DHTKD1: variants seen among roughly 807,000 people sequenced by gnomAD.
DHTKD1 encodes 2-oxoadipate dehydrogenase complex component E1.
DHTKD1 carries 78 observed loss-of-function variants against 101.8 expected under a neutral mutation model. The observed-to-expected ratio is 0.77, with a 90% CI of 0.64 to 0.93. The LOEUF (loss-of-function observed/expected upper bound fraction) is 0.93, where lower values mean the gene tolerates loss of function less well. Among genes scored for constraint, DHTKD1 ranks in the 40% least tolerant of loss-of-function variants. The pLI, the probability that DHTKD1 is intolerant of heterozygous loss-of-function variation, is 0.00. For missense variants in DHTKD1, 1,223 were observed against 1,161.7 expected, an observed-to-expected ratio of 1.05 and a Z score of -0.77; for synonymous variants, 462 against 450.3, an observed-to-expected ratio of 1.03 and a Z score of -0.33.
intron 6 of DHTKD1, 81 bp downstream of exon 6, chr10:12,091,765 G>C (rs1389255855): frequency 1.2e-5 from 14 of 1,129,810 alleles, no homozygotes; most frequent in Non-Finnish European, 1.7e-5. Flanking sequence ...ACAGAACAAT[G>C]AGCCTCACTG....
intron 10 of DHTKD1, among the ~76,000 whole-genome samples, chr10:12,105,060 A>G (rs758535414): frequency 1.3e-5 from 2 of 151,670 alleles, no homozygotes; most frequent in Non-Finnish European, 2.9e-5. Context: ...GGGTTTCACC[A>G]TGTTGGCCAG....
chr10:12,088,988 G>A lies in DHTKD1; in HGVS notation c.720G>A (p.Leu240=). The change falls in exon 5 of 17, where the codon CTG becomes CTA. Residue 240 remains leucine (L), a splice_region_variant and synonymous_variant. Transcript: ENST00000263035. ...CCTTTTGAATGTATCCACAATAGCT[G>A]ATGTTCCGTAAAATGCGAGGCTTAA... ...LTGLLQFPPE[L]MFRKMRGLSE... 1 of 1,613,062 alleles carries A rather than the reference G, an allele frequency of 6.2e-7. No homozygotes were observed. The highest frequency in any genetic ancestry group is 8.5e-7 in the Non-Finnish European group (1 of 1,179,150).
chr10:12,116,059 T>C (rs138434750), intron 13 of DHTKD1, among the ~76,000 whole-genome samples: 10 of 151,886 alleles, frequency 6.6e-5, no homozygotes, highest in African/African-American at 2.2e-4. Context: ...GCCTCCCAAG[T>C]AGCTGGGATT....
At position 12,089,058 on chromosome 10, in the gene DHTKD1, C is replaced by T; in HGVS notation, c.790C>T (p.His264Tyr). ...CTCAGCCACTGGAGACGTCCTGTCT[C>T]ACCTGACCTCCTCTGTGGACCTGTA... is the stretch of plus-strand genomic sequence containing the variant. ...NFSATGDVLS[H>Y]LTSSVDLYFG... Residue 264 changes from histidine to tyrosine, a missense_variant, in exon 5 of 17, where the codon CAC becomes TAC. Coordinates refer to ENST00000263035, the MANE Select transcript of DHTKD1 (RefSeq NM_018706.7). 6.2e-7 allele frequency: 1 copy of T among 1,614,120 alleles called. No homozygotes were observed. The highest frequency in any genetic ancestry group is 8.5e-7 in the Non-Finnish European group (1 of 1,179,962).
rs1462585733 is a variant in DHTKD1 at position 12,101,149 on chromosome 10, C to A, written c.1864C>A (p.His622Asn). The change falls in exon 10 of 17, where the codon CAT becomes AAT. Residue 622 changes from histidine to asparagine, a missense_variant. By Grantham distance (68) the His-to-Asn change is moderately conservative. Coordinates refer to ENST00000263035, the MANE Select transcript of DHTKD1 (RefSeq NM_018706.7). ...GGATGACACCTACATCCCCCTGAAC[C>A]ATATGGACCCAAATCAGAAGGGGTT... ...ETDDTYIPLN[H>N]MDPNQKGFLE... is the part of the protein sequence containing the mutation. 6.2e-7 allele frequency: 1 copy of A among 1,613,894 alleles called. No individual in the cohort carries two copies. Among genetic ancestry groups the A allele is most frequent in the African/African-American group, 1.3e-5 (1 of 74,910 alleles).
At chr10:12,096,103 G>T (rs1202815412) in intron 7 of DHTKD1, among the ~76,000 whole-genome samples, 1 of 152,088 alleles carries the variant, frequency 6.6e-6, no homozygotes, top group Non-Finnish European at 1.5e-5. Flanking sequence ...CTCATGGCTT[G>T]CATTTCATTT....
intron 1 of DHTKD1, among the ~76,000 whole-genome samples, chr10:12,077,810 T>G (rs1051570805): frequency 6.8e-6 from 1 of 146,242 alleles, no homozygotes; most frequent in Non-Finnish European, 1.5e-5. Flanking sequence ...CCCAGGAGTG[T>G]GAGGAACGTT....
At position 12,107,966 on chromosome 10, in the gene DHTKD1, A is replaced by G. The variant is rs1401637886; in HGVS notation, c.2105A>G (p.Asp702Gly). 1 of 1,614,056 alleles carries G rather than the reference A, an allele frequency of 6.2e-7. No homozygotes were observed. The highest frequency in any genetic ancestry group is 2.2e-5 in the East Asian group (1 of 44,874). ...GTCATCCTCCTTCCACATGGCTACG[A>G]TGGGGCTGGGCCAGACCACTCATCC... Reference protein sequence around the residue: ...GIVILLPHGYDGAGPDHSSCR... With the variant: ...GIVILLPHGYGGAGPDHSSCR... Residue 702 changes from aspartate to glycine, a missense_variant, in exon 12 of 17, where the codon GAT (aspartate) becomes GGT (glycine). Physicochemically the swap from Asp to Gly is moderately conservative, Grantham distance 94 (BLOSUM62 -1). Coordinates refer to ENST00000263035, the MANE Select transcript of DHTKD1 (RefSeq NM_018706.7). The surrounding 1 kb of genome is among the most constrained non-coding windows in gnomAD (Gnocchi z 4.1).
At chr10:12,115,109 C>G (rs1487925152) in intron 13 of DHTKD1, among the ~76,000 whole-genome samples, 2 of 66,008 alleles carry the variant, frequency 3.0e-5, no homozygotes, top group South Asian at 5.0e-4. Flanking sequence ...TGAACAGTTT[C>G]TTGAGATGGA....
rs1044989745 is a variant in DHTKD1 at position 12,113,860 on chromosome 10, C to T, written c.2319+796C>T. ...TTTTGAGCCCTGGAGTTCAAGGCTG[C>T]AGTGACGTATGACCATGCCACTACA... On this transcript the variant is annotated intron_variant, in intron 13 of 16. Coordinates refer to ENST00000263035, the MANE Select transcript of DHTKD1 (RefSeq NM_018706.7). Among the ~76,000 whole-genome samples, 5 of 152,036 alleles carry T rather than the reference C, an allele frequency of 3.3e-5. 1 individual carries two copies. Among genetic ancestry groups the T allele is most frequent in the Admixed American group, 3.3e-4 (5 of 15,240 alleles).
Position 12,117,756 on chromosome 10 carries a change from G to A in DHTKD1, c.2402+1G>A, listed in dbSNP as rs767066938. 3 of 1,547,300 alleles carry A rather than the reference G, an allele frequency of 1.9e-6. No homozygotes were observed. Among genetic ancestry groups the A allele is most frequent in the Non-Finnish European group, 1.8e-6 (2 of 1,124,308 alleles). ...GTGATTCATCTGTGGATCCAAAAAA[G>A]TAAGATATGTATCTCTGTTTTCATA... On this transcript the variant is annotated splice_donor_variant, in intron 14 of 16. Coordinates refer to ENST00000263035, the MANE Select transcript of DHTKD1 (RefSeq NM_018706.7). LOFTEE classifies it high-confidence loss of function.
At position 12,101,148 on chromosome 10, in the gene DHTKD1, C is replaced by G; in HGVS notation, c.1863C>G (p.Asn621Lys). The G allele has an allele frequency of 6.2e-7, 1 of 1,614,024 alleles. No individual in the cohort carries two copies. The highest frequency in any genetic ancestry group is 1.1e-5 in the South Asian group (1 of 91,046). The change falls in exon 10 of 17, where the codon AAC becomes AAG. Residue 621 changes from asparagine to lysine, a missense_variant. Coordinates refer to ENST00000263035, the MANE Select transcript of DHTKD1 (RefSeq NM_018706.7). ...CGGATGACACCTACATCCCCCTGAA[C>G]CATATGGACCCAAATCAGAAGGGGT... ...QETDDTYIPL[N>K]HMDPNQKGFL...
At chr10:12,074,730 T>C (rs530066999) in intron 1 of DHTKD1, among the ~76,000 whole-genome samples, 1 of 151,620 alleles carries the variant, frequency 6.6e-6, no homozygotes, top group South Asian at 2.1e-4. Context: ...GGAGTGACTA[T>C]GTCTCAAAAA....
intron 2 of DHTKD1, 125 bp from the exon 3 acceptor site, chr10:12,084,415 A>G (rs1832869264): frequency 1.6e-6 from 1 of 629,836 alleles, no homozygotes; most frequent in African/African-American, 1.8e-5. Flanking sequence ...CTTCAATTAA[A>G]GGGGGAAAGT....
In DHTKD1 at chr10:12,069,003, C is replaced by A. The variant is rs1223248013; in HGVS notation, c.-31C>A. 1.9e-6 allele frequency: 3 copies of A among 1,612,042 alleles called. No homozygotes were observed. The highest frequency in any genetic ancestry group is 2.5e-6 in the Non-Finnish European group (3 of 1,179,298). On this transcript the variant is annotated 5_prime_UTR_variant, in exon 1 of 17. Coordinates refer to ENST00000263035, the MANE Select transcript of DHTKD1 (RefSeq NM_018706.7). ...CGGTGGGATCCCCTCGGGCTCCCGC[C>A]TTAGCATGCTGGCCGGGACATCTGG...
chr10:12,100,327 G>C, intron 9 of DHTKD1, 65 bp downstream of exon 9: 1 of 480,946 alleles, frequency 2.1e-6, no homozygotes, highest in Non-Finnish European at 3.0e-6. Flanking sequence ...GCCCAGGCTG[G>C]AATGCAGTGG....
Position 12,087,514 on chromosome 10 carries a change from G to T in DHTKD1, c.523-21G>T. 2 of 1,569,080 alleles carry T rather than the reference G, an allele frequency of 1.3e-6. No individual in the cohort carries two copies. The highest frequency in any genetic ancestry group is 2.0e-4 in the Middle Eastern group (1 of 5,036). On this transcript the variant is annotated intron_variant, in intron 3 of 16. Transcript: ENST00000263035. The surrounding 1 kb of genome is among the most constrained non-coding windows in gnomAD (Gnocchi z 5.2). ...AGCTGGCTGTCTCCTGGCAGCTCAC[G>T]TCTGACATGATGTTCTGCAGGAGTT...
chr10:12,089,783 G>C (rs1832959349), intron 5 of DHTKD1, among the ~76,000 whole-genome samples: 1 of 151,830 alleles, frequency 6.6e-6, no homozygotes, highest in African/African-American at 2.4e-5. Context: ...TGATTCTCCT[G>C]CCTCAGCCTC....
At chr10:12,092,134 C>A (rs1833000088) in intron 6 of DHTKD1, among the ~76,000 whole-genome samples, 1 of 152,014 alleles carries the variant, frequency 6.6e-6, no homozygotes, top group African/African-American at 2.4e-5. Flanking sequence ...CAGGTGTACA[C>A]CACCACACCT....
Sources: gnomAD v4.1 joint callset for allele counts (sites outside exome capture counted in the v4.1 genomes callset) on GRCh38, gnomAD v4.1.1 for gene constraint, Gnocchi (gnomAD v3.1) non-coding constraint, MANE v1.5 for transcripts, NCBI Gene and HGNC (gene_info 2026-07-23, HGNC 2026-07-21) for gene names.